ADAMTS3: variants seen among roughly 807,000 people sequenced by gnomAD.
ADAMTS3 encodes the protein A disintegrin and metalloproteinase with thrombospondin motifs 3.
A neutral mutation model predicts 129.0 loss-of-function variants in ADAMTS3; 73 were observed. The observed-to-expected ratio is 0.57, with a 90% confidence interval of 0.47 to 0.69. ADAMTS3 has a LOEUF of 0.69. ADAMTS3 is among the 30% of genes least tolerant of loss of function. The pLI is 0.00. For synonymous variants in ADAMTS3, 477 were observed against 510.8 expected (o/e 0.93, Z 0.89); for missense variants, 1,457 against 1,514.5 (o/e 0.96, Z 0.63).
chr4:72,438,680 T>C (rs550244864), intron 3 of ADAMTS3, among the ~76,000 whole-genome samples: 25 of 151,748 alleles, frequency 1.6e-4, no homozygotes, highest in Non-Finnish European at 3.4e-4. Flanking sequence ...AGTATTATTA[T>C]GAAAATAGTT....
chr4:72,458,396 G>T (rs1370564115), intron 3 of ADAMTS3, among the ~76,000 whole-genome samples: 2 of 151,388 alleles, frequency 1.3e-5, no homozygotes, highest in African/African-American at 2.4e-5. Flanking sequence ...CTTAAAAATA[G>T]CAAGCAAAAA....
At chr4:72,461,314 T>C (rs7654020) in intron 3 of ADAMTS3, among the ~76,000 whole-genome samples, 93,028 of 151,484 alleles carry the variant, frequency 0.61, 29,411 homozygotes, top group South Asian at 0.8. Flanking sequence ...ATGAGAAGAA[T>C]ATTTGGTAGT....
chr4:72,361,806 A>G (rs1720735069), intron 4 of ADAMTS3, among the ~76,000 whole-genome samples: 2 of 152,056 alleles, frequency 1.3e-5, no homozygotes, highest in Non-Finnish European at 1.5e-5. Flanking sequence ...TATGCTTGGT[A>G]TAATTTATCA....
intron 2 of ADAMTS3, among the ~76,000 whole-genome samples, chr4:72,558,375 T>C (rs547641716): frequency 6.6e-6 from 1 of 151,762 alleles, no homozygotes; most frequent in African/African-American, 2.4e-5. Context: ...ATGGTCCCCC[T>C]TCCTCCATCC....
intron 21 of ADAMTS3, among the ~76,000 whole-genome samples, chr4:72,286,303 T>C (rs936916132): frequency 9.9e-5 from 15 of 152,226 alleles, no homozygotes; most frequent in Non-Finnish European, 1.9e-4. Flanking sequence ...GGTGACAGTA[T>C]ATGTTAAAAC....
At chr4:72,484,569 T>C (rs1479615580) in intron 3 of ADAMTS3, among the ~76,000 whole-genome samples, 1 of 152,156 alleles carries the variant, frequency 6.6e-6, no homozygotes, top group African/African-American at 2.4e-5. Context: ...CCAGGAAAAT[T>C]CAGTTCCCTT....
At chr4:72,319,281 G>C in intron 9 of ADAMTS3, 51 bp downstream of exon 9, 1 of 1,603,866 alleles carries the variant, frequency 6.2e-7, no homozygotes. Flanking sequence ...TCAGTTTCAT[G>C]TCTGTAGGCT....
At chr4:72,455,784 TTATA>T (rs374579698) in intron 3 of ADAMTS3, among the ~76,000 whole-genome samples, 1 of 133,966 alleles carries the variant, frequency 7.5e-6, no homozygotes, top group South Asian at 2.2e-4. Context: ...TTGTAACTAC[TTATA>T]TATATATATA....
chr4:72,327,696 C>T (rs1578585478), intron 5 of ADAMTS3, among the ~76,000 whole-genome samples: 2 of 152,166 alleles, frequency 1.3e-5, no homozygotes, highest in East Asian at 3.9e-4. Flanking sequence ...CACAGATCTG[C>T]AGGCCACAAT....
chr4:72,429,107 C>T (rs1722637543), intron 3 of ADAMTS3, among the ~76,000 whole-genome samples: 1 of 151,856 alleles, frequency 6.6e-6, no homozygotes, highest in Non-Finnish European at 1.5e-5. Flanking sequence ...ATAGTAGTTG[C>T]CTGGAAATCA....
chr4:72,528,589 G>A (rs77849408), intron 3 of ADAMTS3, among the ~76,000 whole-genome samples: 1 of 150,282 alleles, frequency 6.7e-6, no homozygotes, highest in Non-Finnish European at 1.5e-5. Context: ...AGATGAGATG[G>A]AAAATGAGAG....
intron 3 of ADAMTS3, among the ~76,000 whole-genome samples, chr4:72,459,409 G>T (rs1401109484): frequency 2.0e-5 from 3 of 151,540 alleles, no homozygotes; most frequent in African/African-American, 2.4e-5. Context: ...CTTCTAAAAA[G>T]AAATCCTTAG....
chr4:72,497,285 G>A (rs1160477688), intron 3 of ADAMTS3, among the ~76,000 whole-genome samples: 1 of 151,926 alleles, frequency 6.6e-6, no homozygotes, highest in East Asian at 1.9e-4. Flanking sequence ...ACAAAATCCA[G>A]AATATATTTT....
rs928186882 is a variant in ADAMTS3 at position 72,365,639 on chromosome 4, G to C, written c.662-25946C>G. ...TTATAACATCAATTTTCTGATATAT[G>C]ATAGTAAAGTATCCGGAACATAGAG... is the stretch of plus-strand genomic sequence containing the variant. On this transcript the variant is annotated intron_variant, in intron 4 of 21. Coordinates refer to ENST00000286657, the MANE Select transcript of ADAMTS3 (RefSeq NM_014243.3). Among the ~76,000 whole-genome samples, 21 of 152,246 alleles carry C rather than the reference G, an allele frequency of 1.4e-4. 1 individual carries two copies. Among genetic ancestry groups the C allele is most frequent in the East Asian group, 1.2e-3 (6 of 5,178 alleles).
At chr4:72,437,680 G>T (rs576808494) in intron 3 of ADAMTS3, among the ~76,000 whole-genome samples, 1 of 151,734 alleles carries the variant, frequency 6.6e-6, no homozygotes, top group African/African-American at 2.4e-5. Context: ...TCTTCTAGAG[G>T]GTGATGATAA....
intron 4 of ADAMTS3, among the ~76,000 whole-genome samples, chr4:72,358,013 C>T (rs933905538): frequency 6.6e-6 from 1 of 151,878 alleles, no homozygotes. Context: ...CAAAGACTGC[C>T]TTCTCTTCTC....
At chr4:72,391,273 T>C (rs138962572) in intron 4 of ADAMTS3, among the ~76,000 whole-genome samples, 1 of 152,230 alleles carries the variant, frequency 6.6e-6, no homozygotes, top group East Asian at 1.9e-4. Flanking sequence ...TAAACATATT[T>C]ACTTTGTGTA....
At position 72,287,919 on chromosome 4, in the gene ADAMTS3, G is replaced by C. The variant is rs180929417; in HGVS notation, c.3049+832C>G. The stretch of plus-strand genomic sequence containing the variant: ...CTCACTCTGTCACCCAGGCTGGAAT[G>C]CAGTGGCGTGATCTCAGCTCACTGC... On this transcript the variant is annotated intron_variant, in intron 21 of 21. Transcript: ENST00000286657. 9.4e-4 allele frequency among the ~76,000 whole-genome samples: 143 copies of C among 152,298 alleles called. 1 individual carries two copies. Among genetic ancestry groups the C allele is most frequent in the African/African-American group, 3.4e-3 (141 of 41,572 alleles).
intron 5 of ADAMTS3, chr4:72,323,328 G>A: frequency 2.0e-6 from 1 of 495,472 alleles, no homozygotes; most frequent in Non-Finnish European, 3.7e-6. Flanking sequence ...TACAGGACAT[G>A]CTCAAAAGGG....
Sources: allele counts gnomAD v4.1 joint callset (sites outside exome capture counted in the v4.1 genomes callset), GRCh38; gene constraint gnomAD v4.1.1; transcripts MANE v1.5; gene names NCBI Gene and HGNC (gene_info 2026-07-23, HGNC 2026-07-21).